The following NT5E variants were observed in gnomAD, a reference collection of about 807,000 sequenced individuals.
NT5E encodes 5'-nucleotidase ecto.
Under a neutral mutation model 55.1 loss-of-function variants are expected in NT5E, and 53 were observed. The ratio of observed to expected loss-of-function variants is 0.96; its 90% CI spans 0.77 to 1.21. NT5E has a LOEUF of 1.21. Ranked by LOEUF, NT5E falls within the 50% of genes most tolerant of loss-of-function variation. NT5E has a pLI of 0.00. For missense variants in NT5E, 683 were observed against 724.3 expected, an observed-to-expected ratio of 0.94 and a Z score of 0.65; for synonymous variants, 270 against 278.4, an observed-to-expected ratio of 0.97 and a Z score of 0.30.
chr6:85,466,853 G>A lies in NT5E; in HGVS notation c.340-207G>A, dbSNP rs556289394. On this transcript the variant is annotated intron_variant, in intron 1 of 8. Coordinates refer to ENST00000257770, the MANE Select transcript of NT5E (RefSeq NM_002526.4). The stretch of plus-strand genomic sequence containing the variant: ...TCTCCAGGTGTTGCGTATGCACATT[G>A]GCAAACCACCTTTATTAGGTGGTGT... Among the ~76,000 whole-genome samples, 9 of 152,234 alleles carry A rather than the reference G, an allele frequency of 5.9e-5. No homozygotes were observed. The East Asian group carries it at 1.7e-3, about 29-fold the overall frequency.
chr6:85,470,877 A>G (rs1222131419), intron 2 of NT5E, among the ~76,000 whole-genome samples: 1 of 152,082 alleles, frequency 6.6e-6, no homozygotes, highest in Non-Finnish European at 1.5e-5. Flanking sequence ...AGTTGCTAAT[A>G]CTCTTTTGTG....
intron 7 of NT5E, 130 bp downstream of exon 7, chr6:85,490,787 T>A (rs1354465502): frequency 2.1e-6 from 2 of 945,520 alleles, no homozygotes; most frequent in Admixed American, 2.0e-5. Flanking sequence ...CCAACACCAA[T>A]ACCTTACCCT....
intron 3 of NT5E, among the ~76,000 whole-genome samples, chr6:85,473,233 TG>T (rs1476229647): frequency 1.3e-5 from 2 of 152,152 alleles, no homozygotes; most frequent in Non-Finnish European, 2.9e-5. Context: ...CTACCACTAA[TG>T]GTGGGGTCCT....
Position 85,450,231 on chromosome 6 carries a change from T to G in NT5E, c.92T>G (p.Ile31Ser). The change falls in exon 1 of 9, where the codon ATT becomes AGT. Residue 31 changes from isoleucine (I) to serine (S), a missense_variant. Coordinates refer to ENST00000257770, the MANE Select transcript of NT5E (RefSeq NM_002526.4). This position sits in a 1 kb window ranked among gnomAD's most constrained non-coding sequence, Gnocchi z 4.0. ...GCGGCTGGCGCCTGGGAGCTTACGA[T>G]TTTGCACACCAACGACGTGCACAGC... ...WPAAGAWELTILHTNDVHSRL... is the reference protein window; with the variant it reads ...WPAAGAWELTSLHTNDVHSRL... The G allele has an allele frequency of 1.2e-6, 2 of 1,610,152 alleles. No individual in the cohort carries two copies. Among genetic ancestry groups the G allele is most frequent in the Non-Finnish European group, 1.7e-6 (2 of 1,179,256 alleles).
At chr6:85,491,172 G>C in intron 7 of NT5E, 1 of 480,080 alleles carries the variant, frequency 2.1e-6, no homozygotes, top group Non-Finnish European at 4.2e-6. Context: ...TGGGCACAGG[G>C]AGAAAACCTT....
intron 3 of NT5E, among the ~76,000 whole-genome samples, chr6:85,482,123 T>C (rs1454777187): frequency 1.3e-5 from 2 of 152,254 alleles, no homozygotes; most frequent in African/African-American, 4.8e-5. Context: ...GTTGTCCCAA[T>C]TCAGGAATTC....
intron 3 of NT5E, among the ~76,000 whole-genome samples, chr6:85,482,021 C>T (rs1769560782): frequency 6.6e-6 from 1 of 152,176 alleles, no homozygotes; most frequent in Admixed American, 6.6e-5. Flanking sequence ...GGAGTGTACA[C>T]TTCTAAGTAA....
chr6:85,472,190 A>C lies in NT5E; in HGVS notation c.751+765A>C, dbSNP rs967442733. 5.9e-5 allele frequency among the ~76,000 whole-genome samples: 9 copies of C among 152,350 alleles called. No individual in the cohort carries two copies. In the East Asian group the frequency reaches 1.7e-3, roughly 29 times the overall value. On this transcript the variant is annotated intron_variant, in intron 3 of 8. Transcript: ENST00000257770. ...GGAAAGGAAGAAGAGGCTGGTAAACAGTTCTTCTATCAGCATTCGCAAAGA... is the reference window on the plus strand; with the variant it reads ...GGAAAGGAAGAAGAGGCTGGTAAACCGTTCTTCTATCAGCATTCGCAAAGA...
At chr6:85,490,775 A>T in intron 7 of NT5E, 118 bp downstream of exon 7, 1 of 1,087,686 alleles carries the variant, frequency 9.2e-7, no homozygotes, top group Non-Finnish European at 1.4e-6. Context: ...ATTTTTCCCG[A>T]CCCAACACCA....
At chr6:85,461,851 T>C (rs1193666623) in intron 1 of NT5E, among the ~76,000 whole-genome samples, 2 of 152,064 alleles carry the variant, frequency 1.3e-5, no homozygotes, top group Non-Finnish European at 2.9e-5. Context: ...CTAGAGAGAC[T>C]GGGGGTAACT....
chr6:85,482,324 AT>A (rs1254113745), intron 3 of NT5E, among the ~76,000 whole-genome samples: 1 of 151,940 alleles, frequency 6.6e-6, no homozygotes, highest in Non-Finnish European at 1.5e-5. Flanking sequence ...GGGCAACAGA[AT>A]GAGACCCTGT....
chr6:85,455,753 C>T (rs1355691317), intron 1 of NT5E, among the ~76,000 whole-genome samples: 1 of 152,174 alleles, frequency 6.6e-6, no homozygotes, highest in Non-Finnish European at 1.5e-5. Context: ...CCTATGGGAT[C>T]TGACAATGTC....
intron 3 of NT5E, among the ~76,000 whole-genome samples, chr6:85,478,814 A>T: frequency 6.6e-6 from 1 of 151,764 alleles, no homozygotes; most frequent in East Asian, 1.9e-4. Flanking sequence ...AGTTCTGCTC[A>T]TGTATTATCT....
In NT5E at chr6:85,450,369, A is replaced by G. The variant is rs769285167; in HGVS notation, c.230A>G (p.Asn77Ser). 2 of 1,598,026 alleles carry G rather than the reference A, an allele frequency of 1.3e-6. No individual in the cohort carries two copies. The highest frequency in any genetic ancestry group is 1.7e-5 in the Admixed American group (1 of 57,284). The change falls in exon 1 of 9, where the codon AAC becomes AGC. Residue 77 changes from asparagine (N) to serine (S), a missense_variant. Physicochemically the swap from Asn to Ser is conservative, Grantham distance 46. Coordinates refer to ENST00000257770, the MANE Select transcript of NT5E (RefSeq NM_002526.4). The surrounding 1 kb of genome is among the most constrained non-coding windows in gnomAD (Gnocchi z 4.0). ...CAGCAGATCCGCCGCGCCGAACCCAACGTGCTGCTGCTGGACGCCGGCGAC... is the reference window on the plus strand; with the variant it reads ...CAGCAGATCCGCCGCGCCGAACCCAGCGTGCTGCTGCTGGACGCCGGCGAC... ...KVQQIRRAEP[N>S]VLLLDAGDQY...
At position 85,458,474 on chromosome 6, in the gene NT5E, G is replaced by A. The variant is rs905406020; in HGVS notation, c.339+7996G>A. Reference sequence around the variant, plus strand: ...TAGTTTCTCAGCTCATCTTGTCCTCGTACTATTAATAGCATCTGTTGTTTT... The same window carrying A: ...TAGTTTCTCAGCTCATCTTGTCCTCATACTATTAATAGCATCTGTTGTTTT... On this transcript the variant is annotated intron_variant, in intron 1 of 8. Transcript: ENST00000257770. Among the ~76,000 whole-genome samples, 3 of 152,278 alleles carry A rather than the reference G, an allele frequency of 2.0e-5. No individual in the cohort carries two copies. In the East Asian group the frequency reaches 5.8e-4, roughly 29 times the overall value.
intron 2 of NT5E, 74 bp downstream of exon 2, chr6:85,467,356 G>A: frequency 2.4e-6 from 3 of 1,248,162 alleles, no homozygotes; most frequent in Non-Finnish European, 3.5e-6. Context: ...TATATTTATG[G>A]ACTGTAGATA....
chr6:85,486,078 C>T (rs999582392), intron 4 of NT5E, among the ~76,000 whole-genome samples: 52 of 151,728 alleles, frequency 3.4e-4, no homozygotes, highest in Non-Finnish European at 5.1e-4. Context: ...TTAGTGAGGG[C>T]AGGGGTACGT....
At chr6:85,476,794 C>T (rs1387161000) in intron 3 of NT5E, among the ~76,000 whole-genome samples, 1 of 152,132 alleles carries the variant, frequency 6.6e-6, no homozygotes, top group South Asian at 2.1e-4. Flanking sequence ...GTCAAGCCAT[C>T]CCTCTGAAGT....
intron 5 of NT5E, 70 bp from the exon 6 acceptor site, chr6:85,489,424 C>T (rs1769736924): frequency 9.1e-7 from 1 of 1,103,672 alleles, no homozygotes; most frequent in African/African-American, 1.6e-5. Flanking sequence ...TAGAGCTAAC[C>T]AGATTCCTGG....
Sources: allele counts gnomAD v4.1 joint callset (sites outside exome capture counted in the v4.1 genomes callset), GRCh38; gene constraint gnomAD v4.1.1; non-coding constraint Gnocchi (gnomAD v3.1); transcripts MANE v1.5; gene names NCBI Gene and HGNC (gene_info 2026-07-23, HGNC 2026-07-21).